Variants in MDN1 observed in about 807,000 individuals in gnomAD.
The protein encoded by MDN1 is midasin.
Under a neutral mutation model 669.2 loss-of-function variants are expected in MDN1, and 266 were observed. The ratio of observed to expected loss-of-function variants is 0.40; its 90% confidence interval spans 0.36 to 0.44. MDN1 has a LOEUF of 0.44. Among genes scored for constraint, MDN1 ranks in the 20% least tolerant of loss-of-function variants. The probability of loss-of-function intolerance (pLI) is 1.00; values close to 1 mark genes in which losing one functional copy is unlikely to be tolerated. For synonymous variants in MDN1, 2,385 were observed against 2,457.1 expected (o/e 0.97, Z 0.87); for missense variants, 5,940 against 6,754.0 (o/e 0.88, Z 4.22).
rs574270554 is a variant in MDN1, at chr6:89,690,389, T to C, written c.10750-246A>G. On this transcript the variant is annotated intron_variant, in intron 64 of 101. Transcript: ENST00000369393. ...GGAGTTTGAGACAGCCTGGGTGACA[T>C]AGTGAGACCCTGTCTCTGTAAAAAA... 4.6e-5 allele frequency among the ~76,000 whole-genome samples: 7 copies of C among 151,964 alleles called. No homozygotes were observed. The South Asian group carries it at 1.0e-3, about 23-fold the overall frequency.
chr6:89,790,311 C>A lies in MDN1; in HGVS notation c.946G>T (p.Ala316Ser), dbSNP rs1219866667. The change falls in exon 6 of 102, where the codon GCT becomes TCT. Residue 316 changes from alanine to serine, a missense_variant. Around this residue, in one of 5 missense-constraint regions of MDN1, gnomAD observed 1,203 missense variants for 1,268.9 expected, o/e 0.95. Transcript: ENST00000369393. Reference sequence around the variant, plus strand: ...GCATTCTGAGAAGCAACCGCCATAGCCAGGGTCTGAAGACTTTTGCAGACA... The same window carrying A: ...GCATTCTGAGAAGCAACCGCCATAGACAGGGTCTGAAGACTTTTGCAGACA... ...ESVCKSLQTLAMAVASQNAVL... is the reference protein window; with the variant it reads ...ESVCKSLQTLSMAVASQNAVL... The A allele has an allele frequency of 1.2e-6, 2 of 1,614,108 alleles. No homozygotes were observed. Among genetic ancestry groups the A allele is most frequent in the South Asian group, 1.1e-5 (1 of 91,080 alleles).
chr6:89,718,625 A>C lies in MDN1; in HGVS notation c.6324T>G (p.Val2108=). ...TTELLGGFEQ[V]DLIRPWRRLL... is the part of the protein sequence containing the mutation. ...GCCTCCTCCAAGGTCGTATAAGATC[A>C]ACCTGTAATTTCCAGAGGACATGAA... The change falls in exon 43 of 102, where the codon GTT becomes GTG. Residue 2108 remains valine, a splice_region_variant and synonymous_variant. Transcript: ENST00000369393. 6.2e-7 allele frequency: 1 copy of C among 1,613,370 alleles called. No homozygotes were observed. The highest frequency in any genetic ancestry group is 8.5e-7 in the Non-Finnish European group (1 of 1,179,368).
intron 1 of MDN1, among the ~76,000 whole-genome samples, chr6:89,818,787 G>A (rs1280307403): frequency 1.3e-5 from 2 of 149,378 alleles, no homozygotes; most frequent in African/African-American, 4.9e-5. Context: ...CCAGCCTGGC[G>A]ACACAGCGAG....
Position 89,700,853 on chromosome 6 carries a change from T to G in MDN1, c.8431A>C (p.Lys2811Gln). 1 of 1,613,878 alleles carries G rather than the reference T, an allele frequency of 6.2e-7. No individual in the cohort carries two copies. Among genetic ancestry groups the G allele is most frequent in the Non-Finnish European group, 8.5e-7 (1 of 1,179,894 alleles). Residue 2811 changes from lysine (K) to glutamine (Q), a missense_variant, in exon 56 of 102, where the codon AAG becomes CAG. Physicochemically the swap from Lys to Gln is moderately conservative, Grantham distance 53. Around this residue, in one of 5 missense-constraint regions of MDN1, gnomAD observed 2,292 missense variants for 2,638.3 expected, o/e 0.87. Coordinates refer to ENST00000369393, the MANE Select transcript of MDN1 (RefSeq NM_014611.3). ...TGTGAAAAACACTCCACCACCAGCT[T>G]GTCCTGAAACAACAACACCCACAAG... ...FLGRPFPFKD[K>Q]LVVECFSQLK...
chr6:89,668,072 C>T lies in MDN1; in HGVS notation c.14036G>A (p.Gly4679Glu). The T allele has an allele frequency of 6.2e-7, 1 of 1,614,134 alleles. No homozygotes were observed. The highest frequency in any genetic ancestry group is 8.5e-7 in the Non-Finnish European group (1 of 1,180,002). Reference protein sequence around the residue: ...ATEFHDYEGGGIGEGEGMKDV... With the variant: ...ATEFHDYEGGEIGEGEGMKDV... ...CTTCATGCCCTCGCCTTCTCCAATTCCACCTCCCTCATAGTCATGGAACTC... is the reference window on the plus strand; with the variant it reads ...CTTCATGCCCTCGCCTTCTCCAATTTCACCTCCCTCATAGTCATGGAACTC... The change falls in exon 84 of 102, where the codon GGA becomes GAA. Residue 4679 changes from glycine (G) to glutamate (E), a missense_variant. Gly to Glu is a moderately conservative substitution (Grantham distance 98). Transcript: ENST00000369393.
intron 33 of MDN1, among the ~76,000 whole-genome samples, chr6:89,733,103 T>C (rs1245960999): frequency 6.6e-6 from 1 of 152,258 alleles, no homozygotes; most frequent in Non-Finnish European, 1.5e-5. Context: ...TCTATTATAA[T>C]TATTTTAGAA....
chr6:89,726,482 G>GAAAAAAAAAAAAAAAAAAAA (rs201576721), intron 37 of MDN1, among the ~76,000 whole-genome samples: 2 of 90,944 alleles, frequency 2.2e-5, no homozygotes, highest in East Asian at 3.0e-4. Context: ...AAGAAAAATA[G>GAAAAAAAAAAAAAAAAAAAA]AAAAAAAAAA....
chr6:89,776,052 T>G (rs988324307), intron 12 of MDN1, among the ~76,000 whole-genome samples: 1 of 152,186 alleles, frequency 6.6e-6, no homozygotes, highest in Non-Finnish European at 1.5e-5. Flanking sequence ...CATTAAGTTA[T>G]AGACAAAGGT....
At chr6:89,656,833 G>T (rs1809341284) in intron 90 of MDN1, 32 bp from the exon 91 acceptor site, 1 of 1,571,928 alleles carries the variant, frequency 6.4e-7, no homozygotes, top group Non-Finnish European at 8.7e-7. Flanking sequence ...AGAATGAGGT[G>T]AAAGAAGCTA....
chr6:89,646,800 AATT>A (rs1455385938), intron 99 of MDN1, among the ~76,000 whole-genome samples, 197 bp from the exon 100 acceptor site: 2 of 152,006 alleles, frequency 1.3e-5, no homozygotes, highest in Non-Finnish European at 1.5e-5. Flanking sequence ...TCTGTTTTTT[AATT>A]ATTATTTTTT....
intron 17 of MDN1, among the ~76,000 whole-genome samples, chr6:89,760,568 A>T (rs548494964): frequency 6.6e-6 from 1 of 152,342 alleles, no homozygotes; most frequent in Non-Finnish European, 1.5e-5. Flanking sequence ...CAAGATATAG[A>T]ATCAACCTAT....
In MDN1 at chr6:89,668,163, G is replaced by A. The variant is rs774232563; in HGVS notation, c.13957-12C>T. The A allele has an allele frequency of 2.2e-5, 36 of 1,611,080 alleles. No homozygotes were observed. Among genetic ancestry groups the A allele is most frequent in the Admixed American group, 6.8e-5 (4 of 59,106 alleles). On this transcript the variant is annotated splice_polypyrimidine_tract_variant and intron_variant, in intron 83 of 101. Coordinates refer to ENST00000369393, the MANE Select transcript of MDN1 (RefSeq NM_014611.3). ...GGCAAGCAAAATCCCTTAGAAAAAAGAAAAAGGAAGTGAACAATTAGGCAC... is the reference window on the plus strand; with the variant it reads ...GGCAAGCAAAATCCCTTAGAAAAAAAAAAAAGGAAGTGAACAATTAGGCAC...
At chr6:89,675,258 A>T in intron 78 of MDN1, 1 of 549,958 alleles carries the variant, frequency 1.8e-6, no homozygotes. Flanking sequence ...CAGGAGGTTC[A>T]GAGCACGGAG....
chr6:89,647,123 C>G (rs1042417545), intron 99 of MDN1, among the ~76,000 whole-genome samples: 2 of 152,196 alleles, frequency 1.3e-5, no homozygotes, highest in African/African-American at 4.8e-5. Context: ...AGACGTTTCT[C>G]TAACATATAA....
chr6:89,765,230 C>G (rs1451087352), intron 15 of MDN1, among the ~76,000 whole-genome samples: 1 of 149,134 alleles, frequency 6.7e-6, no homozygotes, highest in Admixed American at 6.8e-5. Flanking sequence ...GCACTCCAGC[C>G]TGGGAGACAG....
rs1450905425 is a variant in MDN1, at chr6:89,698,885, C to A, written c.9148G>T (p.Val3050Phe). 2 of 1,613,984 alleles carry A rather than the reference C, an allele frequency of 1.2e-6. No homozygotes were observed. Among genetic ancestry groups the A allele is most frequent in the African/African-American group, 2.7e-5 (2 of 75,040 alleles). Reference sequence around the variant, plus strand: ...CAAACCTTCAATGTGGAGTCCAAAACAGACTTGGGTGCCTCCCTCTGCTGC... The same window carrying A: ...CAAACCTTCAATGTGGAGTCCAAAAAAGACTTGGGTGCCTCCCTCTGCTGC... ...GMQQREAPKSVLDSTLKGPGN... is the reference protein window; with the variant it reads ...GMQQREAPKSFLDSTLKGPGN... The change falls in exon 59 of 102, where the codon GTT (valine) becomes TTT (phenylalanine). Residue 3050 changes from valine to phenylalanine, a missense_variant. Physicochemically the swap from Val to Phe is conservative, Grantham distance 50 (BLOSUM62 -1). Coordinates refer to ENST00000369393, the MANE Select transcript of MDN1 (RefSeq NM_014611.3).
At chr6:89,751,821 T>C (rs931781203) in intron 22 of MDN1, among the ~76,000 whole-genome samples, 2 of 152,164 alleles carry the variant, frequency 1.3e-5, no homozygotes, top group Non-Finnish European at 2.9e-5. Flanking sequence ...TCAAAACAAA[T>C]TCCCAGAAGG....
In MDN1 at chr6:89,648,224, G is replaced by A. The variant is rs1584078177; in HGVS notation, c.16280+32C>T. 9.9e-6 allele frequency: 16 copies of A among 1,611,198 alleles called. No individual in the cohort carries two copies. The East Asian group carries it at 3.6e-4, about 36-fold the overall frequency. ...AAAATAACCAAACAGGTTGTGAAAA[G>A]TTTTCATAAAGGAATTACAAAGCAA... On this transcript the variant is annotated intron_variant, in intron 98 of 101. Transcript: ENST00000369393.
intron 15 of MDN1, among the ~76,000 whole-genome samples, chr6:89,770,037 G>A (rs969198070): frequency 2.0e-5 from 3 of 152,090 alleles, no homozygotes; most frequent in Non-Finnish European, 2.9e-5. Flanking sequence ...GTTCAAGGCT[G>A]TGCTAAGCCA....
Sources: allele counts gnomAD v4.1 joint callset (sites outside exome capture counted in the v4.1 genomes callset), GRCh38; gene constraint gnomAD v4.1.1; regional missense constraint gnomAD v4.1.1; transcripts MANE v1.5; gene names NCBI Gene and HGNC (gene_info 2026-07-23, HGNC 2026-07-21).